KLHL25: variants seen among roughly 807,000 people sequenced by gnomAD.
KLHL25 encodes the protein kelch-like protein 25.
Under a neutral mutation model 30.0 loss-of-function variants are expected in KLHL25, and 41 were observed. The ratio of observed to expected loss-of-function variants is 1.37; its 90% CI spans 1.07 to 1.78. KLHL25 has a LOEUF of 1.78. Among genes scored for constraint, KLHL25 ranks in the 40% most tolerant of loss-of-function variants. KLHL25 has a pLI of 0.00. For synonymous variants in KLHL25, 399 were observed against 355.3 expected (o/e 1.12, Z -1.38); for missense variants, 971 against 824.5 (o/e 1.18, Z -2.18).
chr15:85,773,417 C>T (rs7179821), intron 1 of KLHL25, among the ~76,000 whole-genome samples: 2,115 of 152,342 alleles, frequency 0.014, 55 homozygotes, highest in African/African-American at 0.048. Context: ...ATGTGGTAAA[C>T]GCGTGTCATT....
intron 1 of KLHL25, among the ~76,000 whole-genome samples, chr15:85,771,499 C>T (rs1312945881): frequency 3.3e-5 from 5 of 152,214 alleles, no homozygotes; most frequent in Non-Finnish European, 7.3e-5. Context: ...CTCTCTTGCT[C>T]ACTCCTCCTC....
At position 85,794,909 on chromosome 15, in the gene KLHL25, C is replaced by G. The variant is rs1423671845; in HGVS notation, c.-154G>C. 2 of 152,414 alleles carry G rather than the reference C, an allele frequency of 1.3e-5. No individual in the cohort carries two copies. The highest frequency in any genetic ancestry group is 2.9e-5 in the Non-Finnish European group (2 of 68,194). The allele number at this position is 152,414 out of a possible 1,614,324, so 9.4% of individuals were successfully genotyped here. ...TCGCTGCGATACAGCCTAGGCGCCGCCAACAAACTAGTTTCTCCGGCCTTC... is the reference window on the plus strand; with the variant it reads ...TCGCTGCGATACAGCCTAGGCGCCGGCAACAAACTAGTTTCTCCGGCCTTC... On this transcript the variant is annotated 5_prime_UTR_variant, in exon 1 of 3. Coordinates refer to ENST00000337975, the MANE Select transcript of KLHL25 (RefSeq NM_022480.4).
chr15:85,763,591 G>A (rs2089598129), intron 2 of KLHL25: 1 of 152,514 alleles, frequency 6.6e-6, no homozygotes, highest in African/African-American at 2.4e-5. Context: ...TGGACAAACA[G>A]GGGCCATGAT....
chr15:85,784,126 A>G (rs545593196), intron 1 of KLHL25, among the ~76,000 whole-genome samples: 22 of 152,360 alleles, frequency 1.4e-4, no homozygotes, highest in African/African-American at 4.8e-4. Context: ...AGATTTTCAA[A>G]TCTAATTAAT....
intron 1 of KLHL25, among the ~76,000 whole-genome samples, chr15:85,787,199 A>C (rs201433656): frequency 6.7e-6 from 1 of 149,568 alleles, no homozygotes; most frequent in East Asian, 2.0e-4. Context: ...GTAATCCCAG[A>C]ACTTTGGGAG....
chr15:85,791,473 C>T (rs986042554), intron 1 of KLHL25, among the ~76,000 whole-genome samples: 6 of 152,120 alleles, frequency 3.9e-5, no homozygotes, highest in Non-Finnish European at 5.9e-5. Flanking sequence ...CCAGCCTGGG[C>T]GACAGAGCGA....
intron 1 of KLHL25, among the ~76,000 whole-genome samples, chr15:85,793,163 C>T (rs553101314): frequency 1.3e-5 from 2 of 152,008 alleles, no homozygotes; most frequent in African/African-American, 4.8e-5. Context: ...ACGGGGTGCC[C>T]GCAGATTTAA....
At position 85,768,042 on chromosome 15, in the gene KLHL25, C is replaced by G. The variant is rs1480288122; in HGVS notation, c.1769G>C (p.Ter590SerextTer55). ...CTGGCTGGGCTCAGCAGGTGCTCCT[C>G]ACGCGGGCAGGTGCTTCCAGGTGCT... ...FVSTWKHLPA[*>S] The change falls in exon 2 of 3, where the codon TGA (stop) becomes TCA (serine). Residue 590 changes from the stop codon to serine, a stop_lost. Coordinates refer to ENST00000337975, the MANE Select transcript of KLHL25 (RefSeq NM_022480.4). 2 of 1,608,522 alleles carry G rather than the reference C, an allele frequency of 1.2e-6. No individual in the cohort carries two copies. The highest frequency in any genetic ancestry group is 1.7e-6 in the Non-Finnish European group (2 of 1,175,892).
At chr15:85,773,711 G>A (rs2089692273) in intron 1 of KLHL25, among the ~76,000 whole-genome samples, 1 of 152,228 alleles carries the variant, frequency 6.6e-6, no homozygotes, top group Non-Finnish European at 1.5e-5. Context: ...GAGGAACGAA[G>A]CAGGCCCTTT....
chr15:85,777,902 C>T (rs373345447), intron 1 of KLHL25, among the ~76,000 whole-genome samples: 37 of 152,284 alleles, frequency 2.4e-4, no homozygotes, highest in Non-Finnish European at 4.4e-4. Flanking sequence ...ATCAAATGCA[C>T]GACTATCATG....
In KLHL25 at chr15:85,768,949, C is replaced by A; in HGVS notation, c.862G>T (p.Ala288Ser). Residue 288 changes from alanine to serine, a missense_variant, in exon 2 of 3, where the codon GCC (alanine) becomes TCC (serine). Coordinates refer to ENST00000337975, the MANE Select transcript of KLHL25 (RefSeq NM_022480.4). ...GTGTGGCCCGCCTTGCGTGGCCGGGCACAGGGGCTGGTGACCACGCCATCA... is the reference window on the plus strand; with the variant it reads ...GTGTGGCCCGCCTTGCGTGGCCGGGAACAGGGGCTGGTGACCACGCCATCA... Reference protein sequence around the residue: ...QNDGVVTSPCARPRKAGHTLL... With the variant: ...QNDGVVTSPCSRPRKAGHTLL... The A allele has an allele frequency of 1.9e-6, 3 of 1,613,266 alleles. No individual in the cohort carries two copies. The highest frequency in any genetic ancestry group is 2.5e-6 in the Non-Finnish European group (3 of 1,180,034).
Position 85,769,729 on chromosome 15 carries a change from G to T in KLHL25, c.82C>A (p.His28Asn), listed in dbSNP as rs756417766. The T allele has an allele frequency of 3.1e-6, 5 of 1,613,784 alleles. No individual in the cohort carries two copies. The highest frequency in any genetic ancestry group is 4.2e-6 in the Non-Finnish European group (5 of 1,180,058). ...MNVTLFHKAS[H>N]PDCVLAHLNT... ...AGGTGGGCCAGCACACAGTCCGGGT[G>T]GGAGGCCTTGTGGAAGAGGGTGACG... Residue 28 changes from histidine (H) to asparagine (N), a missense_variant, in exon 2 of 3, where the codon CAC (histidine) becomes AAC (asparagine). Physicochemically the swap from His to Asn is moderately conservative, Grantham distance 68. Transcript: ENST00000337975.
rs1212631021 is a variant in KLHL25 at position 85,769,028 on chromosome 15, G to A, written c.783C>T (p.Arg261=). Residue 261 remains arginine (R), a synonymous_variant, in exon 2 of 3, where the codon CGC becomes CGT. Transcript: ENST00000337975. ...GGGCCTCATCCATGATAAGCTTGGT[G>A]CGCTCGTCTGCCATGAGGAGGGCCT... ...SSEALLMADE[R]TKLIMDEALR... The A allele has an allele frequency of 1.9e-6, 3 of 1,609,784 alleles. No homozygotes were observed. The highest frequency in any genetic ancestry group is 2.7e-5 in the African/African-American group (2 of 74,906).
chr15:85,761,195 A>C (rs1009097876), intron 2 of KLHL25, 184 bp from the exon 3 acceptor site: 1 of 152,192 alleles, frequency 6.6e-6, no homozygotes, highest in African/African-American at 2.4e-5. Flanking sequence ...TTCCCCACTG[A>C]GTGGCAGGTG....
intron 1 of KLHL25, among the ~76,000 whole-genome samples, chr15:85,786,469 C>T (rs181420033): frequency 1.3e-5 from 2 of 152,362 alleles, no homozygotes; most frequent in Non-Finnish European, 2.9e-5. Flanking sequence ...CCTCCTGGGA[C>T]CACACAGGCA....
intron 1 of KLHL25, among the ~76,000 whole-genome samples, chr15:85,787,567 T>A (rs575669550): frequency 6.6e-5 from 10 of 152,276 alleles, no homozygotes; most frequent in South Asian, 2.1e-4. Flanking sequence ...TTTAAAATAA[T>A]CACACTTGCT....
chr15:85,778,854 G>A (rs2089726799), intron 1 of KLHL25, among the ~76,000 whole-genome samples: 2 of 152,140 alleles, frequency 1.3e-5, no homozygotes, highest in African/African-American at 4.8e-5. Flanking sequence ...GAGGGATCCC[G>A]AAGAGGATTA....
At chr15:85,791,805 C>T (rs954752513) in intron 1 of KLHL25, among the ~76,000 whole-genome samples, 2 of 152,212 alleles carry the variant, frequency 1.3e-5, no homozygotes, top group African/African-American at 4.8e-5. Flanking sequence ...GGTGGTTAAC[C>T]TTCACCATAC....
At chr15:85,777,301 A>G (rs1302908588) in intron 1 of KLHL25, among the ~76,000 whole-genome samples, 1 of 152,214 alleles carries the variant, frequency 6.6e-6, no homozygotes, top group Non-Finnish European at 1.5e-5. Context: ...AGCCTCTGAC[A>G]GTGCATACAG....
Sources: allele counts gnomAD v4.1 joint callset (sites outside exome capture counted in the v4.1 genomes callset), GRCh38; gene constraint gnomAD v4.1.1; transcripts MANE v1.5; gene names NCBI Gene and HGNC (gene_info 2026-07-23, HGNC 2026-07-21).